Variants in AFF3 observed in about 807,000 individuals in gnomAD.
AFF3 encodes ALF transcription elongation factor 3.
A neutral mutation model predicts 129.7 loss-of-function variants in AFF3; 32 were observed. The ratio of observed to expected loss-of-function variants is 0.25; its 90% CI spans 0.19 to 0.33. The LOEUF is 0.33. Among genes scored for constraint, AFF3 ranks in the 10% least tolerant of loss-of-function variants. The pLI is 1.00. For synonymous variants in AFF3, 644 were observed against 635.4 expected (o/e 1.01, Z -0.20); for missense variants, 1,373 against 1,592.0 (o/e 0.86, Z 2.34).
intron 4 of AFF3, among the ~76,000 whole-genome samples, chr2:100,049,491 C>T (rs972256588): frequency 1.3e-5 from 2 of 152,154 alleles, no homozygotes; most frequent in African/African-American, 2.4e-5. Context: ...TAGAAAATAA[C>T]GGCCATAAGA....
chr2:99,748,500 T>G (rs1451875605), intron 9 of AFF3, among the ~76,000 whole-genome samples: 1 of 152,182 alleles, frequency 6.6e-6, no homozygotes, highest in African/African-American at 2.4e-5. Context: ...GAAAGTGATG[T>G]GGTGACTGCC....
chr2:100,114,164 C>T (rs1395249324), intron 2 of AFF3, among the ~76,000 whole-genome samples: 1 of 152,098 alleles, frequency 6.6e-6, no homozygotes, highest in Non-Finnish European at 1.5e-5. Context: ...GAGGATTCAG[C>T]CCAGGGGTTT....
chr2:99,907,184 A>T (rs1277164721), intron 7 of AFF3, among the ~76,000 whole-genome samples: 1 of 152,138 alleles, frequency 6.6e-6, no homozygotes, highest in East Asian at 1.9e-4. Context: ...GGAGGTGGAA[A>T]GTTACAACCC....
At chr2:99,660,154 G>A (rs1174010931) in intron 12 of AFF3, among the ~76,000 whole-genome samples, 2 of 152,182 alleles carry the variant, frequency 1.3e-5, no homozygotes, top group Non-Finnish European at 2.9e-5. Context: ...TGATGCTTTG[G>A]TAGAGTCCTG....
At chr2:99,912,292 A>G (rs1430691174) in intron 7 of AFF3, among the ~76,000 whole-genome samples, 8 of 152,238 alleles carry the variant, frequency 5.3e-5, no homozygotes. Context: ...ATTGTTTTAC[A>G]TTTAGCTAAA....
rs562695283 is a variant in AFF3, at chr2:99,773,607, G to A, written c.922-21306C>T. Among the ~76,000 whole-genome samples, 151 of 152,236 alleles carry A rather than the reference G, an allele frequency of 9.9e-4. 1 individual carries two copies. Among genetic ancestry groups the A allele is most frequent in the Non-Finnish European group, 1.7e-3 (114 of 68,002 alleles). On this transcript the variant is annotated intron_variant, in intron 8 of 24. Transcript: ENST00000672756. ...AAGACTGGATATGAATTAACAAAGA[G>A]ACAAAAGTCACTCAGGGCCAAGCCT...
chr2:99,897,802 T>C lies in AFF3; in HGVS notation c.874-60278A>G, dbSNP rs529926893. On this transcript the variant is annotated intron_variant, in intron 7 of 24. Transcript: ENST00000672756. ...TATTTGACCAGTAAGGTAATGAATA[T>C]GTAGTTAGCAAATGCCAATAAACAC... is the stretch of plus-strand genomic sequence containing the variant. Among the ~76,000 whole-genome samples, 8 of 152,312 alleles carry C rather than the reference T, an allele frequency of 5.3e-5. No individual in the cohort carries two copies. The East Asian group carries it at 1.4e-3, about 26-fold the overall frequency.
At position 99,805,813 on chromosome 2, in the gene AFF3, T is replaced by TACACACACACACACAC. The variant is rs3072357; in HGVS notation, c.921+31648_921+31663dup. On this transcript the variant is annotated intron_variant, in intron 8 of 24. Coordinates refer to ENST00000672756, the MANE Select transcript of AFF3 (RefSeq NM_001386135.1). ...AGGAAACATCTGCCTGCAGGAGTCTTACACACACACACACACACACACACA... is the reference window on the plus strand; with the variant it reads ...AGGAAACATCTGCCTGCAGGAGTCTTACACACACACACACACACACACACACACACACACACACACA... Among the ~76,000 whole-genome samples the TACACACACACACACAC allele has an allele frequency of 3.0e-3, 430 of 142,940 alleles. 3 individuals are homozygous for TACACACACACACACAC. The highest frequency in any genetic ancestry group is 0.018 in the Middle Eastern group (5 of 280). The allele number at this position is 142,940 out of a possible 152,430, so 93.8% of individuals were successfully genotyped here.
At chr2:99,785,047 G>A (rs952226352) in intron 8 of AFF3, among the ~76,000 whole-genome samples, 3 of 152,060 alleles carry the variant, frequency 2.0e-5, no homozygotes, top group African/African-American at 7.2e-5. Context: ...GCGATGTTGC[G>A]CCCTCTGAGG....
chr2:100,066,630 C>T (rs1687736880), intron 4 of AFF3, among the ~76,000 whole-genome samples: 1 of 152,036 alleles, frequency 6.6e-6, no homozygotes, highest in African/African-American at 2.4e-5. Flanking sequence ...CTGGCAGACC[C>T]AGTGAGGTCC....
In AFF3 at chr2:99,662,137, T is replaced by C. The variant is rs200494423; in HGVS notation, c.1143+10401A>G. On this transcript the variant is annotated intron_variant, in intron 12 of 24. Coordinates refer to ENST00000672756, the MANE Select transcript of AFF3 (RefSeq NM_001386135.1). ...CCTGGCAACAGAACAAGACTCTGTCTCAAAAAAAAAAAAGGCAATTACTTA... is the reference window on the plus strand; with the variant it reads ...CCTGGCAACAGAACAAGACTCTGTCCCAAAAAAAAAAAAGGCAATTACTTA... Among the ~76,000 whole-genome samples the C allele has an allele frequency of 3.4e-5, 5 of 147,626 alleles. No individual in the cohort carries two copies. The East Asian group carries it at 9.8e-4, about 29-fold the overall frequency.
chr2:99,988,066 C>T (rs931648477), intron 7 of AFF3, among the ~76,000 whole-genome samples: 1 of 151,930 alleles, frequency 6.6e-6, no homozygotes, highest in African/African-American at 2.4e-5. Context: ...TGTGAGCCGA[C>T]TGAAAATATA....
chr2:99,634,763 T>G (rs1373206340), intron 13 of AFF3, among the ~76,000 whole-genome samples: 2 of 151,978 alleles, frequency 1.3e-5, no homozygotes, highest in Non-Finnish European at 2.9e-5. Flanking sequence ...CTTCTATATT[T>G]AAGTGCAGAA....
chr2:99,923,420 C>A (rs1030263316), intron 7 of AFF3, among the ~76,000 whole-genome samples: 1 of 152,218 alleles, frequency 6.6e-6, no homozygotes, highest in African/African-American at 2.4e-5. Flanking sequence ...GAAAAAGGCT[C>A]TGGACTAAAG....
intron 4 of AFF3, among the ~76,000 whole-genome samples, chr2:100,074,034 A>G (rs1237066913): frequency 6.6e-6 from 1 of 152,278 alleles, no homozygotes; most frequent in East Asian, 1.9e-4. Flanking sequence ...TGAGTAGAAA[A>G]CTGCGAACGA....
intron 15 of AFF3, among the ~76,000 whole-genome samples, chr2:99,588,650 G>A (rs1452579151): frequency 1.3e-5 from 2 of 152,108 alleles, no homozygotes; most frequent in African/African-American, 2.4e-5. Flanking sequence ...GCTCTGGCTG[G>A]GATTTTGCCA....
intron 11 of AFF3, among the ~76,000 whole-genome samples, chr2:99,705,511 A>G (rs947727661): frequency 2.0e-5 from 3 of 152,078 alleles, no homozygotes; most frequent in East Asian, 1.9e-4. Flanking sequence ...TGAAAAAAAA[A>G]TAGAAATTTA....
rs540589809 is a variant in AFF3, at chr2:100,011,997, C to T, written c.54-3065G>A. Among the ~76,000 whole-genome samples, 15 of 152,198 alleles carry T rather than the reference C, an allele frequency of 9.9e-5. No homozygotes were observed. In the South Asian group the frequency reaches 2.9e-3, roughly 30 times the overall value. ...AGCTGAAGGATACCCCAAAGCACTC[C>T]AAGATGCTTTATAAAGCATCCAGAT... is the stretch of plus-strand genomic sequence containing the variant. On this transcript the variant is annotated intron_variant, in intron 4 of 24. Transcript: ENST00000672756.
chr2:99,860,998 T>C (rs1019451961), intron 7 of AFF3, among the ~76,000 whole-genome samples: 1 of 152,180 alleles, frequency 6.6e-6, no homozygotes, highest in Admixed American at 6.5e-5. Context: ...CGTATCCATC[T>C]TATAACTGAA....
Sources: allele counts gnomAD v4.1 joint callset (sites outside exome capture counted in the v4.1 genomes callset), GRCh38; gene constraint gnomAD v4.1.1; transcripts MANE v1.5; gene names NCBI Gene and HGNC (gene_info 2026-07-23, HGNC 2026-07-21).